MTMR8: variants seen among roughly 807,000 people sequenced by gnomAD.
MTMR8 encodes the protein myotubularin related protein 8.
Under a neutral mutation model 39.3 loss-of-function variants are expected in MTMR8, and 65 were observed. The observed-to-expected ratio is 1.65, with a 90% CI of 1.35 to 2.03. The LOEUF (loss-of-function observed/expected upper bound fraction) is 2.03. MTMR8 is among the 30% of genes most tolerant of loss of function. The pLI is 0.00. For missense variants in MTMR8, 777 were observed against 538.9 expected (o/e 1.44, Z -4.37); for synonymous variants, 245 against 185.2 (o/e 1.32, Z -2.62).
intron 12 of MTMR8, among the ~76,000 whole-genome samples, chrX:64,326,605 G>C (rs1352117981): frequency 9.0e-6 from 1 of 111,003 alleles, no homozygotes; most frequent in Non-Finnish European, 1.9e-5. Flanking sequence ...TATTGTTAAA[G>C]TGTCTACACT....
Position 64,268,262 on chromosome X carries a change from C to A in MTMR8, c.*275G>T. On this transcript the variant is annotated 3_prime_UTR_variant, in exon 14 of 14. Coordinates refer to ENST00000374852, the MANE Select transcript of MTMR8 (RefSeq NM_017677.4). The stretch of plus-strand genomic sequence containing the variant: ...TAAGGAAAACAGACAGTAGAACCAG[C>A]TTAATATGTGTCTCAGCTGAGAGGC... 5 of 333,093 alleles carry A rather than the reference C, an allele frequency of 1.5e-5. No homozygotes were observed. The highest frequency in any genetic ancestry group is 1.6e-5 in the Non-Finnish European group (3 of 192,882). 27.5% of individuals were successfully genotyped at this position (333,093 alleles called of 1,213,427 possible).
intron 1 of MTMR8, among the ~76,000 whole-genome samples, chrX:64,395,048 G>A (rs1409996810): frequency 8.9e-6 from 1 of 112,384 alleles, no homozygotes; most frequent in Admixed American, 9.3e-5. Context: ...CAAGGCTAGG[G>A]AGGAGCTGGA....
intron 6 of MTMR8, among the ~76,000 whole-genome samples, chrX:64,346,321 C>G (rs910073416): frequency 3.6e-5 from 4 of 110,907 alleles, no homozygotes; most frequent in Non-Finnish European, 7.6e-5. Flanking sequence ...CAAGTTAGAA[C>G]ATGCAGAGGG....
At chrX:64,374,916 C>T (rs1924224926) in intron 1 of MTMR8, among the ~76,000 whole-genome samples, 1 of 108,825 alleles carries the variant, frequency 9.2e-6, no homozygotes, top group African/African-American at 3.3e-5. Context: ...TGACAGCTAC[C>T]AGAAATTGGA....
At chrX:64,297,753 T>G (rs1921671838) in intron 12 of MTMR8, among the ~76,000 whole-genome samples, 1 of 110,410 alleles carries the variant, frequency 9.1e-6, no homozygotes, top group Non-Finnish European at 1.9e-5. Flanking sequence ...TGAATTGATT[T>G]TTGTATAAGG....
intron 1 of MTMR8, among the ~76,000 whole-genome samples, chrX:64,365,378 C>CAAAG (rs761240878): frequency 1.8e-3 from 200 of 110,970 alleles, no homozygotes; most frequent in African/African-American, 6.3e-3. Flanking sequence ...ATGTTACACA[C>CAAAG]AAAGGGAAGC....
chrX:64,323,192 G>A (rs1922700855), intron 12 of MTMR8, among the ~76,000 whole-genome samples: 1 of 112,523 alleles, frequency 8.9e-6, no homozygotes, highest in African/African-American at 3.2e-5. Flanking sequence ...CCTGCTCAGA[G>A]TGACAGGTAC....
chrX:64,388,842 C>T (rs1424003732), intron 1 of MTMR8, among the ~76,000 whole-genome samples: 2 of 112,282 alleles, frequency 1.8e-5, no homozygotes, highest in African/African-American at 6.5e-5. Flanking sequence ...CACTATGAAT[C>T]TCCACAGTGT....
rs755187021 is a variant in MTMR8 at position 64,364,024 on chromosome X, C to G, written c.25-4497G>C. 2.9e-3 allele frequency among the ~76,000 whole-genome samples: 324 copies of G among 112,588 alleles called. 1 individual carries two copies. Among genetic ancestry groups the G allele is most frequent in the Non-Finnish European group, 5.1e-3 (271 of 53,238 alleles). On this transcript the variant is annotated intron_variant, in intron 1 of 13. Transcript: ENST00000374852. ...CTGAGATTGACCTGCAAGGCAGCAG[C>G]CTGGCAGGGGGAGGGGTGTCCACCA...
chrX:64,277,261 T>C (rs1419863609), intron 12 of MTMR8, among the ~76,000 whole-genome samples: 1 of 112,045 alleles, frequency 8.9e-6, no homozygotes, highest in East Asian at 2.8e-4. Flanking sequence ...GTTAATATTG[T>C]TATGTGTGAA....
At chrX:64,302,597 C>T (rs1012729573) in intron 12 of MTMR8, among the ~76,000 whole-genome samples, 2 of 112,326 alleles carry the variant, frequency 1.8e-5, no homozygotes, top group African/African-American at 6.5e-5. Context: ...TCCCCTCGGA[C>T]CCTATGCTGT....
rs1252119684 is a variant in MTMR8, at chrX:64,318,699, TG to T, written c.1481+10072del. Among the ~76,000 whole-genome samples, 501 of 102,242 alleles carry T rather than the reference TG, an allele frequency of 4.9e-3. 2 individuals are homozygous for T. Among genetic ancestry groups the T allele is most frequent in the Non-Finnish European group, 8.3e-3 (425 of 51,433 alleles). The allele number at this position is 102,242 out of a possible 115,157, so 88.8% of individuals were successfully genotyped here. ...TAAAACTAGTTTGTTTGGTTTGGTT[TG>T]GTTTTTTGTTTTTTTTTTTTTTTTT... On this transcript the variant is annotated intron_variant, in intron 12 of 13. Transcript: ENST00000374852.
rs1923103974 is a variant in MTMR8, at chrX:64,337,313, A to G, written c.1056T>C (p.Ala352=). The G allele has an allele frequency of 8.3e-7, 1 of 1,208,305 alleles. No homozygotes were observed. Among genetic ancestry groups the G allele is most frequent in the South Asian group, 1.8e-5 (1 of 56,687 alleles). The part of the protein sequence containing the change: ...WDRTAQVCSV[A]SILLDPFYRT... Reference sequence around the variant, plus strand: ...TATAAAATGGATCTAGGAGGATGCTAGCCACTGAGCAGACTTGTGCTGTGC... The same window carrying G: ...TATAAAATGGATCTAGGAGGATGCTGGCCACTGAGCAGACTTGTGCTGTGC... The change falls in exon 9 of 14, where the codon GCT becomes GCC. Residue 352 remains alanine (A), a synonymous_variant. Transcript: ENST00000374852.
At chrX:64,324,770 C>T (rs2147218127) in intron 12 of MTMR8, among the ~76,000 whole-genome samples, 1 of 97,749 alleles carries the variant, frequency 1.0e-5, no homozygotes, top group East Asian at 3.3e-4. Context: ...TTTTCGGACT[C>T]AGCCCGCCTG....
intron 11 of MTMR8, among the ~76,000 whole-genome samples, chrX:64,330,717 TA>T (rs1675238244): frequency 9.0e-6 from 1 of 111,552 alleles, no homozygotes; most frequent in Non-Finnish European, 1.9e-5. Context: ...AAGAATAAAC[TA>T]TAGAGAATGG....
At chrX:64,373,911 G>GA (rs1924192662) in intron 1 of MTMR8, among the ~76,000 whole-genome samples, 1 of 111,255 alleles carries the variant, frequency 9.0e-6, no homozygotes, top group Admixed American at 9.6e-5. Context: ...TGGGCTCAAA[G>GA]AAAAAAAGCC....
At chrX:64,274,199 T>C (rs1931824320) in intron 12 of MTMR8, among the ~76,000 whole-genome samples, 1 of 112,061 alleles carries the variant, frequency 8.9e-6, no homozygotes, top group Non-Finnish European at 1.9e-5. Context: ...AGATCACATG[T>C]TAGGTCATAA....
chrX:64,282,642 G>A (rs1841944712), intron 12 of MTMR8, among the ~76,000 whole-genome samples: 2 of 111,432 alleles, frequency 1.8e-5, no homozygotes, highest in South Asian at 7.6e-4. Context: ...GTGAACACAG[G>A]ATAAAACATC....
chrX:64,338,297 A>C (rs185444262), intron 8 of MTMR8, among the ~76,000 whole-genome samples: 27 of 112,172 alleles, frequency 2.4e-4, no homozygotes, highest in African/African-American at 6.5e-4. Flanking sequence ...AAACACTTAA[A>C]TGCATGACTG....
Sources: allele counts gnomAD v4.1 joint callset (sites outside exome capture counted in the v4.1 genomes callset), GRCh38; gene constraint gnomAD v4.1.1; transcripts MANE v1.5; gene names NCBI Gene and HGNC (gene_info 2026-07-23, HGNC 2026-07-21).